The following SMC2 variants were observed in gnomAD, a reference collection of about 807,000 sequenced individuals.
SMC2 encodes structural maintenance of chromosomes protein 2.
SMC2 carries 41 observed loss-of-function variants against 142.6 expected under a neutral mutation model. The ratio of observed to expected loss-of-function variants is 0.29; its 90% CI spans 0.22 to 0.37. The LOEUF (loss-of-function observed/expected upper bound fraction) is 0.37, where lower values mean the gene tolerates loss of function less well. SMC2 is among the 10% of genes least tolerant of loss of function. SMC2 has a pLI of 1.00. For synonymous variants in SMC2, 463 were observed against 457.5 expected (o/e 1.01, Z -0.15); for missense variants, 1,265 against 1,373.7 (o/e 0.92, Z 1.25).
chr9:104,110,846 CTA>C (rs1832356195), intron 9 of SMC2, among the ~76,000 whole-genome samples: 1 of 152,202 alleles, frequency 6.6e-6, no homozygotes, highest in African/African-American at 2.4e-5. Context: ...GTAATTGTTC[CTA>C]TCACTCTATT....
In SMC2 at chr9:104,125,070, G is replaced by C. The variant is rs1356461557; in HGVS notation, c.2416G>C (p.Asp806His). Residue 806 changes from aspartate (D) to histidine (H), a missense_variant, in exon 18 of 25, where the codon GAT becomes CAT. Asp to His is a moderately conservative substitution (Grantham distance 81). Coordinates refer to ENST00000374793, the MANE Select transcript of SMC2 (RefSeq NM_006444.3). ...KKLDCAKTKA[D>H]ASSKKMKEKQ... ...ACTGGATTGTGCCAAAACAAAGGCA[G>C]ATGCATCTAGCAAGAAGATGAAAGA... The C allele has an allele frequency of 6.3e-7, 1 of 1,587,342 alleles. No individual in the cohort carries two copies. The highest frequency in any genetic ancestry group is 8.5e-7 in the Non-Finnish European group (1 of 1,173,460).
intron 19 of SMC2, among the ~76,000 whole-genome samples, chr9:104,126,994 T>A (rs1834372466): frequency 6.6e-6 from 1 of 152,018 alleles, no homozygotes; most frequent in African/African-American, 2.4e-5. Context: ...CCTCACTTAG[T>A]TGATTCCATC....
chr9:104,097,649 A>G (rs959468520), intron 3 of SMC2, among the ~76,000 whole-genome samples: 1 of 152,158 alleles, frequency 6.6e-6, no homozygotes, highest in South Asian at 2.1e-4. Flanking sequence ...TCCTGTCCTC[A>G]TTCAGGCCAT....
chr9:104,114,550 T>A, intron 12 of SMC2, 141 bp from the exon 13 acceptor site: 1 of 649,744 alleles, frequency 1.5e-6, no homozygotes, highest in Non-Finnish European at 2.6e-6. Context: ...CATTTTAAAA[T>A]TTTTGGTTTG....
chr9:104,131,171 A>T (rs1475042543), intron 21 of SMC2, among the ~76,000 whole-genome samples: 1 of 152,112 alleles, frequency 6.6e-6, no homozygotes, highest in African/African-American at 2.4e-5. Context: ...ATCCCTCTAC[A>T]GCCTTGCTTG....
intron 9 of SMC2, 110 bp from the exon 10 acceptor site, chr9:104,111,471 T>C (rs1305496999): frequency 3.2e-6 from 2 of 629,472 alleles, no homozygotes; most frequent in Non-Finnish European, 5.6e-6. Context: ...ATTATTTTAT[T>C]ATGCTCACTC....
At position 104,140,127 on chromosome 9, in the gene SMC2, C is replaced by CCAGT. The variant is rs555380614; in HGVS notation, c.*815_*818dup. 8.4e-4 allele frequency: 128 copies of CCAGT among 152,058 alleles called. No individual in the cohort carries two copies. The highest frequency in any genetic ancestry group is 3.0e-3 in the African/African-American group (126 of 41,506). The allele number at this position is 152,058 out of a possible 1,614,324, so 9.4% of individuals were successfully genotyped here. ...AGATTTTTGTCAGCCTTTTCATAAT[C>CCAGT]CAGTCATTAACAACCTATTGGTAAA... On this transcript the variant is annotated 3_prime_UTR_variant, in exon 25 of 25. Coordinates refer to ENST00000374793, the MANE Select transcript of SMC2 (RefSeq NM_006444.3).
intron 16 of SMC2, among the ~76,000 whole-genome samples, chr9:104,121,537 T>C (rs1946732505): frequency 4.6e-5 from 7 of 152,110 alleles, no homozygotes. Context: ...TTGTTATTTT[T>C]TCCAGTATCT....
chr9:104,106,109 A>G (rs529106207), intron 9 of SMC2, among the ~76,000 whole-genome samples: 2 of 152,160 alleles, frequency 1.3e-5, no homozygotes, highest in Non-Finnish European at 1.5e-5. Flanking sequence ...GATATCCTTC[A>G]GTGACTTTAT....
In SMC2 at chr9:104,123,279, C is replaced by G. The variant is rs768203611; in HGVS notation, c.2257+47C>G. ...CTTAATCTCTGGTTTTATTCATATC[C>G]GTTACCTTACTTTAGGTATCTTCTC... On this transcript the variant is annotated intron_variant, in intron 17 of 24. Transcript: ENST00000374793. 1.9e-6 allele frequency: 3 copies of G among 1,576,750 alleles called. No homozygotes were observed. In the African/African-American group the frequency reaches 4.1e-5, roughly 21 times the overall value.
chr9:104,126,664 A>G lies in SMC2; in HGVS notation c.2475A>G (p.Glu825=). The G allele has an allele frequency of 6.2e-7, 1 of 1,610,310 alleles. No homozygotes were observed. Among genetic ancestry groups the G allele is most frequent in the Non-Finnish European group, 8.5e-7 (1 of 1,179,024 alleles). Residue 825 remains glutamate (E), a synonymous_variant, in exon 19 of 25, where the codon GAA becomes GAG. Coordinates refer to ENST00000374793, the MANE Select transcript of SMC2 (RefSeq NM_006444.3). ...AGGAAGTTGAAGCTATCACTCTGGAACTGGAAGAGCTCAAGAGAGAGCATA... is the reference window on the plus strand; with the variant it reads ...AGGAAGTTGAAGCTATCACTCTGGAGCTGGAAGAGCTCAAGAGAGAGCATA... ...KQQEVEAITL[E]LEELKREHTS...
upstream of SMC2, chr9:104,092,599 A>C (rs1455779386): frequency 6.6e-6 from 1 of 152,254 alleles, no homozygotes; most frequent in South Asian, 2.1e-4. Context: ...GCAGACAAAG[A>C]TATCTGTTGA....
rs1833779909 is a variant in SMC2 at position 104,121,863 on chromosome 9, C to A, written c.2133-1245C>A. ...TGGCCCGATCTCGGCTCACTGCAAC[C>A]TCTGCCTCAGCCTCCCAAGTAGCTG... On this transcript the variant is annotated intron_variant, in intron 16 of 24. Transcript: ENST00000374793. 2.0e-5 allele frequency among the ~76,000 whole-genome samples: 3 copies of A among 152,222 alleles called. No homozygotes were observed. The South Asian group carries it at 6.2e-4, about 32-fold the overall frequency.
At chr9:104,104,204 G>C (rs1446794951) in intron 9 of SMC2, among the ~76,000 whole-genome samples, 1 of 152,096 alleles carries the variant, frequency 6.6e-6, no homozygotes, top group Non-Finnish European at 1.5e-5. Flanking sequence ...CTATAAGCAG[G>C]CTTAACTCCC....
intron 10 of SMC2, among the ~76,000 whole-genome samples, chr9:104,112,631 C>T (rs903590200): frequency 1.3e-5 from 2 of 152,112 alleles, no homozygotes; most frequent in Non-Finnish European, 2.9e-5. Context: ...AAGTACTCTA[C>T]TCTCAGTTTG....
chr9:104,100,341 T>C (rs753772302), intron 6 of SMC2, 48 bp from the exon 7 acceptor site: 1 of 1,480,686 alleles, frequency 6.8e-7, no homozygotes, highest in South Asian at 1.2e-5. Context: ...CAAATAAATT[T>C]TAATGATACT....
At position 104,114,064 on chromosome 9, in the gene SMC2, T is replaced by C; in HGVS notation, c.1515T>C (p.Asn505=). The change falls in exon 12 of 25, where the codon AAT becomes AAC. Residue 505 remains asparagine, a synonymous_variant. Coordinates refer to ENST00000374793, the MANE Select transcript of SMC2 (RefSeq NM_006444.3). Reference sequence around the variant, plus strand: ...AAGCTCTATTAGCCAGATTTCCCAATCTTCGATTTGCATACAAGTAAGAGA... The same window carrying C: ...AAGCTCTATTAGCCAGATTTCCCAACCTTCGATTTGCATACAAGTAAGAGA... ...TYEALLARFP[N]LRFAYKDPEK... is the part of the protein sequence containing the mutation. 3 of 1,566,946 alleles carry C rather than the reference T, an allele frequency of 1.9e-6. No homozygotes were observed. Among genetic ancestry groups the C allele is most frequent in the Non-Finnish European group, 2.6e-6 (3 of 1,151,674 alleles).
chr9:104,136,448 CTAGAAAATGTTTTGAGGAAAA>C (rs1217046053), intron 23 of SMC2, among the ~76,000 whole-genome samples: 1 of 152,032 alleles, frequency 6.6e-6, no homozygotes, highest in Non-Finnish European at 1.5e-5. Flanking sequence ...TGCCGAAGCC[CTAGAAAATGTTTTGAGGAAAA>C]TAGAAAATGT....
chr9:104,094,506 T>C, intron 1 of SMC2, 29 bp downstream of exon 1: 1 of 194,054 alleles, frequency 5.2e-6, no homozygotes, highest in Non-Finnish European at 9.4e-6. Context: ...CACGGCCGGT[T>C]GGGCCGGGCC....
Sources: allele counts gnomAD v4.1 joint callset (sites outside exome capture counted in the v4.1 genomes callset), GRCh38; gene constraint gnomAD v4.1.1; transcripts MANE v1.5; gene names NCBI Gene and HGNC (gene_info 2026-07-23, HGNC 2026-07-21).